The following CDC42BPA variants were observed in gnomAD, a reference collection of about 807,000 sequenced individuals.
CDC42BPA encodes the protein CDC42 binding protein kinase alpha, also known as serine/threonine-protein kinase MRCK alpha.
A neutral mutation model predicts 223.5 loss-of-function variants in CDC42BPA; 80 were observed. The ratio of observed to expected loss-of-function variants is 0.36; its 90% confidence interval spans 0.30 to 0.43. The LOEUF (loss-of-function observed/expected upper bound fraction) is 0.43, where lower values mean the gene tolerates loss of function less well. Ranked by LOEUF, CDC42BPA falls within the 20% of genes least tolerant of loss-of-function variation. CDC42BPA has a pLI of 1.00. For synonymous variants in CDC42BPA, 694 were observed against 718.6 expected (o/e 0.97, Z 0.55); for missense variants, 1,743 against 2,099.9 (o/e 0.83, Z 3.32).
chr1:227,231,736 G>A (rs1678010755), intron 2 of CDC42BPA, among the ~76,000 whole-genome samples: 1 of 151,958 alleles, frequency 6.6e-6, no homozygotes, highest in Non-Finnish European at 1.5e-5. Context: ...GATGGCCAGT[G>A]ATGATGAGCA....
intron 1 of CDC42BPA, among the ~76,000 whole-genome samples, chr1:227,260,286 T>C (rs1013810126): frequency 6.6e-6 from 1 of 151,198 alleles, no homozygotes; most frequent in Admixed American, 6.6e-5. Flanking sequence ...TATGTTTCTA[T>C]GTGAGTTCCT....
At position 227,318,075 on chromosome 1, in the gene CDC42BPA, G is replaced by C. The variant is rs1395074404; in HGVS notation, c.-893C>G. On this transcript the variant is annotated 5_prime_UTR_variant, in exon 1 of 37. Coordinates refer to ENST00000366766, the MANE Select transcript of CDC42BPA (RefSeq NM_001394014.1). ...GGTCGCTCGTGGGCCGAGCCGCGCC[G>C]CGCCGCGCCGGGCAGAGAGCCCGGT... is the stretch of plus-strand genomic sequence containing the variant. The C allele has an allele frequency of 5.2e-5, 14 of 267,784 alleles. No individual in the cohort carries two copies. Among genetic ancestry groups the C allele is most frequent in the Non-Finnish European group, 7.6e-5 (11 of 144,228 alleles). The allele number at this position is 267,784 out of a possible 1,614,324, so 16.6% of individuals were successfully genotyped here.
In CDC42BPA at chr1:227,094,549, G is replaced by A. The variant is rs117643017; in HGVS notation, c.2250-2558C>T. Among the ~76,000 whole-genome samples, 990 of 152,352 alleles carry A rather than the reference G, an allele frequency of 6.5e-3. 24 individuals carry two copies. The highest frequency in any genetic ancestry group is 0.04 in the Admixed American group (619 of 15,302). ...GAGCACTCCTCAAGGTAACCTGGAA[G>A]TGTGTTCCTGGCAGCTGTCCTCACT... On this transcript the variant is annotated intron_variant, in intron 15 of 36. Coordinates refer to ENST00000366766, the MANE Select transcript of CDC42BPA (RefSeq NM_001394014.1).
chr1:227,151,485 G>T (rs911419682), intron 6 of CDC42BPA, among the ~76,000 whole-genome samples: 1 of 151,958 alleles, frequency 6.6e-6, no homozygotes, highest in Admixed American at 6.6e-5. Context: ...ACTTCTTTTG[G>T]GTATATACCC....
intron 16 of CDC42BPA, among the ~76,000 whole-genome samples, chr1:227,086,182 A>G (rs1681851654): frequency 6.6e-6 from 1 of 152,142 alleles, no homozygotes. Flanking sequence ...TTTACTGCTG[A>G]GTGGTATTCT....
At chr1:227,297,222 A>T (rs1469289283) in intron 1 of CDC42BPA, among the ~76,000 whole-genome samples, 2 of 152,230 alleles carry the variant, frequency 1.3e-5, no homozygotes, top group Non-Finnish European at 2.9e-5. Context: ...AGTAGATCAA[A>T]GCCACAATGA....
At chr1:227,249,210 G>A (rs772125954) in intron 2 of CDC42BPA, among the ~76,000 whole-genome samples, 3 of 152,152 alleles carry the variant, frequency 2.0e-5, no homozygotes, top group Non-Finnish European at 4.4e-5. Flanking sequence ...AAATGGTGCT[G>A]GGAAAACTGG....
intron 2 of CDC42BPA, among the ~76,000 whole-genome samples, chr1:227,220,286 A>ATATATATATT (rs1675610507): frequency 1.4e-4 from 12 of 83,886 alleles, no homozygotes; most frequent in Admixed American, 1.4e-3. Context: ...GTCATGTTAT[A>ATATATATATT]TATATATATA....
rs746881187 is a variant in CDC42BPA at position 227,030,453 on chromosome 1, A to C, written c.3793T>G (p.Leu1265Val). Residue 1265 changes from leucine to valine, a missense_variant, in exon 29 of 37, where the codon TTG becomes GTG. Transcript: ENST00000366766. The stretch of plus-strand genomic sequence containing the variant: ...ACAAATAACCCTTCTTCGTTTCCCA[A>C]AGCAATTCTTTCATGATCTATGTAA... Reference protein sequence around the residue: ...AAIIDHERIALGNEEGLFVVH... With the variant: ...AAIIDHERIAVGNEEGLFVVH... The C allele has an allele frequency of 1.9e-6, 3 of 1,601,118 alleles. No individual in the cohort carries two copies. The highest frequency in any genetic ancestry group is 3.4e-5 in the Admixed American group (2 of 58,164).
intron 1 of CDC42BPA, among the ~76,000 whole-genome samples, chr1:227,275,416 TAAAAGA>T (rs142517252): frequency 0.097 from 14,598 of 151,226 alleles, 1,113 homozygotes; most frequent in East Asian, 0.35. Flanking sequence ...AAGAGAAAAG[TAAAAGA>T]AAGACAATAC....
chr1:227,296,709 CA>C (rs755335862), intron 1 of CDC42BPA, among the ~76,000 whole-genome samples: 95 of 69,824 alleles, frequency 1.4e-3, no homozygotes, highest in Middle Eastern at 9.3e-3. Context: ...CTCCCCACAT[CA>C]AAAAAAAAAA....
chr1:227,284,964 C>A (rs35055143), intron 1 of CDC42BPA, among the ~76,000 whole-genome samples: 90,001 of 143,728 alleles, frequency 0.63, 27,866 homozygotes, highest in East Asian at 0.71. Flanking sequence ...CCCCATCTCA[C>A]AAAAAAAAAA....
chr1:227,177,754 T>C (rs1328357944), intron 5 of CDC42BPA, among the ~76,000 whole-genome samples: 2 of 152,168 alleles, frequency 1.3e-5, no homozygotes, highest in Non-Finnish European at 2.9e-5. Flanking sequence ...TGTCCTATTG[T>C]CTCTATTCTC....
At chr1:227,245,644 C>G (rs1482424308) in intron 2 of CDC42BPA, among the ~76,000 whole-genome samples, 5 of 152,146 alleles carry the variant, frequency 3.3e-5, no homozygotes. Context: ...AACAGAGCAC[C>G]AGGCAGAGCC....
intron 1 of CDC42BPA, among the ~76,000 whole-genome samples, chr1:227,277,090 A>AAG (rs1324259560): frequency 3.4e-4 from 52 of 151,874 alleles, no homozygotes; most frequent in African/African-American, 1.3e-3. Flanking sequence ...AAAAAAAAAA[A>AAG]AAAAAGAAAA....
chr1:227,252,269 TAAAA>T (rs369754717), intron 2 of CDC42BPA, among the ~76,000 whole-genome samples: 2 of 151,332 alleles, frequency 1.3e-5, no homozygotes, highest in Admixed American at 6.6e-5. Flanking sequence ...GCAAGAAAAA[TAAAA>T]AGAGAGAGAA....
intron 5 of CDC42BPA, among the ~76,000 whole-genome samples, chr1:227,177,404 A>G (rs1207178409): frequency 1.3e-5 from 2 of 152,120 alleles, no homozygotes; most frequent in Admixed American, 6.6e-5. Context: ...CTTCCTCTCA[A>G]TACTCTGAAG....
intron 22 of CDC42BPA, among the ~76,000 whole-genome samples, chr1:227,049,988 TAAAG>T (rs1673209710): frequency 6.6e-6 from 1 of 151,974 alleles, no homozygotes; most frequent in East Asian, 1.9e-4. Context: ...GCAGAAGTCA[TAAAG>T]AAAAAGACTG....
chr1:227,024,583 A>G (rs552046004), intron 31 of CDC42BPA, among the ~76,000 whole-genome samples: 3 of 152,344 alleles, frequency 2.0e-5, no homozygotes, highest in South Asian at 2.1e-4. Flanking sequence ...AGTTCACCCA[A>G]CAGAATATTT....
Sources: gnomAD v4.1 joint callset for allele counts (sites outside exome capture counted in the v4.1 genomes callset) on GRCh38, gnomAD v4.1.1 for gene constraint, MANE v1.5 for transcripts, NCBI Gene and HGNC (gene_info 2026-07-23, HGNC 2026-07-21) for gene names.